The following ATRX variants were observed in gnomAD, a reference collection of about 807,000 sequenced individuals.
The protein encoded by ATRX is chromatin remodeler ATRX.
Under a neutral mutation model 172.6 loss-of-function variants are expected in ATRX, and 12 were observed. The ratio of observed to expected loss-of-function variants is 0.07; its 90% CI spans 0.04 to 0.11. The LOEUF (loss-of-function observed/expected upper bound fraction) is 0.11. ATRX is among the 10% of genes least tolerant of loss of function. ATRX has a pLI of 1.00. For synonymous variants in ATRX, 674 were observed against 594.7 expected (o/e 1.13, Z -1.94); for missense variants, 1,368 against 1,767.4 (o/e 0.77, Z 4.05).
At chrX:77,610,952 A>G (rs1434427421) in intron 22 of ATRX, among the ~76,000 whole-genome samples, 1 of 108,161 alleles carries the variant, frequency 9.2e-6, no homozygotes, top group East Asian at 2.8e-4. Flanking sequence ...TAATAAATAA[A>G]TAAATATATA....
intron 1 of ATRX, among the ~76,000 whole-genome samples, chrX:77,770,045 A>G (rs1557198253): frequency 1.8e-5 from 2 of 110,760 alleles, no homozygotes; most frequent in Non-Finnish European, 1.9e-5. Flanking sequence ...GATTGTGCCA[A>G]TGCACTCCAG....
In ATRX at chrX:77,663,411, T is replaced by G. The variant is rs1557124013; in HGVS notation, c.4091A>C (p.Lys1364Thr). ...TCTTCTGTTTCTGCCTTTGACTTCT[T>G]TATGCTCTTTAGGCTTTGTCTTTTT... Reference protein sequence around the residue: ...EEKKTKPKEHKEVKGRNRRKV... With the variant: ...EEKKTKPKEHTEVKGRNRRKV... Residue 1364 changes from lysine (K) to threonine (T), a missense_variant, in exon 12 of 35, where the codon AAA becomes ACA. Lys to Thr is a moderately conservative substitution (Grantham distance 78). Coordinates refer to ENST00000373344, the MANE Select transcript of ATRX (RefSeq NM_000489.6). The G allele has an allele frequency of 6.6e-6, 8 of 1,211,632 alleles. No individual in the cohort carries two copies. Among genetic ancestry groups the G allele is most frequent in the Non-Finnish European group, 8.9e-6 (8 of 895,418 alleles).
rs782686577 is a variant in ATRX, at chrX:77,581,666, T to C, written c.6218-7308A>G. On this transcript the variant is annotated intron_variant, in intron 27 of 34. Coordinates refer to ENST00000373344, the MANE Select transcript of ATRX (RefSeq NM_000489.6). ...AAATCAACTAAGAAACATCACACTT[T>C]ATCTACACTATAGACCAAATGGACC... is the stretch of plus-strand genomic sequence containing the variant. Among the ~76,000 whole-genome samples the C allele has an allele frequency of 1.2e-4, 13 of 111,482 alleles. No homozygotes were observed. The South Asian group carries it at 3.7e-3, about 32-fold the overall frequency.
Position 77,681,977 on chromosome X carries a change from C to G in ATRX, c.3279G>C (p.Arg1093Ser), listed in dbSNP as rs1338921882. Residue 1093 changes from arginine to serine, a missense_variant, in exon 9 of 35, where the codon AGG (arginine) becomes AGC (serine). Arg to Ser is a moderately radical substitution (Grantham distance 110, BLOSUM62 -1). Transcript: ENST00000373344. The stretch of plus-strand genomic sequence containing the variant: ...TTGAACTCTTTCCAAGCAACTTGCA[C>G]CTTTTCTTCTCTCTACCATATGCTC... The part of the protein sequence containing the change: ...KNGAYGREKK[R>S]CKLLGKSSRK... 8.3e-7 allele frequency: 1 copy of G among 1,208,399 alleles called. No individual in the cohort carries two copies. Among genetic ancestry groups the G allele is most frequent in the African/African-American group, 1.8e-5 (1 of 57,082 alleles).
At chrX:77,753,763 T>C (rs2075385610) in intron 1 of ATRX, among the ~76,000 whole-genome samples, 1 of 111,741 alleles carries the variant, frequency 8.9e-6, no homozygotes, top group African/African-American at 3.3e-5. Context: ...TCCATGTAGT[T>C]GTGGGGTTTT....
chrX:77,706,742 A>T (rs1318994472), intron 2 of ATRX, among the ~76,000 whole-genome samples: 2 of 102,619 alleles, frequency 1.9e-5, no homozygotes, highest in African/African-American at 7.1e-5. Flanking sequence ...TCTAAAAAAT[A>T]AAAAAAAAAA....
chrX:77,763,888 CG>C (rs1557194197), intron 1 of ATRX, among the ~76,000 whole-genome samples: 1 of 111,115 alleles, frequency 9.0e-6, no homozygotes. Context: ...CTGAGGCAAG[CG>C]GATCACTTGA....
At chrX:77,709,022 C>G (rs1373850367) in intron 2 of ATRX, among the ~76,000 whole-genome samples, 2 of 112,140 alleles carry the variant, frequency 1.8e-5, no homozygotes, top group African/African-American at 6.5e-5. Context: ...GCATGGGCAA[C>G]AGAGCCAGAC....
At chrX:77,718,772 AT>A (rs1316606612) in intron 1 of ATRX, among the ~76,000 whole-genome samples, 15 of 106,861 alleles carry the variant, frequency 1.4e-4, no homozygotes, top group Non-Finnish European at 1.9e-5. Context: ...AGTTTACCCC[AT>A]TTTTTTTCCT....
At chrX:77,553,514 A>G (rs2147921436) in intron 30 of ATRX, among the ~76,000 whole-genome samples, 1 of 111,854 alleles carries the variant, frequency 8.9e-6, no homozygotes, top group Admixed American at 9.5e-5. Context: ...AATTTCTATG[A>G]TTTGATTCCC....
intron 1 of ATRX, among the ~76,000 whole-genome samples, chrX:77,736,007 A>T (rs1220944881): frequency 1.2e-4 from 13 of 105,467 alleles, no homozygotes; most frequent in Non-Finnish European, 2.3e-4. Flanking sequence ...CTCCACCTCA[A>T]AAAAAAAAAA....
At chrX:77,560,250 T>C (rs1359414810) in intron 28 of ATRX, among the ~76,000 whole-genome samples, 14 of 111,751 alleles carry the variant, frequency 1.3e-4, no homozygotes, top group Admixed American at 1.2e-3. Context: ...TAAACACTTT[T>C]TGAAAATAAA....
In ATRX at chrX:77,684,477, T is replaced by C. The variant is rs2148638123; in HGVS notation, c.779A>G (p.Asn260Ser). The change falls in exon 9 of 35, where the codon AAC (asparagine) becomes AGC (serine). Residue 260 changes from asparagine to serine, a missense_variant. Transcript: ENST00000373344. ...ACAAATGTAGCAATACCATTGGTTG[T>C]TTTCATCCATTATTGTGGACAACTC... ...RKELSTIMDENNQWYCYICHP... is the reference protein window; with the variant it reads ...RKELSTIMDESNQWYCYICHP... The C allele has an allele frequency of 8.3e-7, 1 of 1,210,935 alleles. No homozygotes were observed. Among genetic ancestry groups the C allele is most frequent in the Non-Finnish European group, 1.1e-6 (1 of 894,949 alleles).
chrX:77,745,662 T>C (rs1170757405), intron 1 of ATRX, among the ~76,000 whole-genome samples: 2 of 111,071 alleles, frequency 1.8e-5, no homozygotes, highest in African/African-American at 3.3e-5. Flanking sequence ...TATAAAAATA[T>C]AGTTAGATAG....
chrX:77,568,585 G>A (rs1345505382), intron 28 of ATRX, among the ~76,000 whole-genome samples: 2 of 111,768 alleles, frequency 1.8e-5, no homozygotes, highest in Non-Finnish European at 1.9e-5. Flanking sequence ...ATTTTTGTCA[G>A]AAAATAGAAA....
chrX:77,683,808 T>G lies in ATRX; in HGVS notation c.1448A>C (p.Gln483Pro), dbSNP rs781820428. The change falls in exon 9 of 35, where the codon CAA (glutamine) becomes CCA (proline). Residue 483 changes from glutamine to proline, a missense_variant. Gln to Pro is a moderately conservative substitution (Grantham distance 76, BLOSUM62 -1). Transcript: ENST00000373344. The stretch of plus-strand genomic sequence containing the variant: ...ACCACCGGTACTTTTATTTGTTCTT[T>G]GTTCCTCTGTTGGAACATTCTGATG... Reference protein sequence around the residue: ...HMHQNVPTEEQRTNKSTGGEH... With the variant: ...HMHQNVPTEEPRTNKSTGGEH... 2.3e-5 allele frequency: 28 copies of G among 1,209,285 alleles called. No homozygotes were observed. In the East Asian group the frequency reaches 6.2e-4, roughly 27 times the overall value.
At chrX:77,539,724 T>C (rs1004259322) in intron 30 of ATRX, among the ~76,000 whole-genome samples, 1 of 111,907 alleles carries the variant, frequency 8.9e-6, no homozygotes, top group Admixed American at 9.5e-5. Flanking sequence ...CTAAGCTTTA[T>C]AAGCGAAGGA....
intron 22 of ATRX, among the ~76,000 whole-genome samples, chrX:77,611,032 T>C (rs2067132439): frequency 9.1e-6 from 1 of 110,082 alleles, no homozygotes. Context: ...CATTTAAGTG[T>C]CACACATACA....
chrX:77,524,982 T>C (rs1373690569), intron 30 of ATRX, among the ~76,000 whole-genome samples: 1 of 111,038 alleles, frequency 9.0e-6, no homozygotes, highest in African/African-American at 3.3e-5. Context: ...TGGCCTCAAG[T>C]GATCCTCCCA....
Sources: gnomAD v4.1 joint callset for allele counts (sites outside exome capture counted in the v4.1 genomes callset) on GRCh38, gnomAD v4.1.1 for gene constraint, MANE v1.5 for transcripts, NCBI Gene and HGNC (gene_info 2026-07-23, HGNC 2026-07-21) for gene names.